Variants in FAM220A observed in about 807,000 individuals in gnomAD.
FAM220A encodes the protein protein FAM220A.
For synonymous variants in FAM220A, 141 were observed against 130.7 expected, an observed-to-expected ratio of 1.08 and a Z score of -0.54; for missense variants, 392 against 321.6, an observed-to-expected ratio of 1.22 and a Z score of -1.68.
chr7:6,336,208 T>G (rs1328639887), intron 1 of FAM220A, among the ~76,000 whole-genome samples: 16 of 147,008 alleles, frequency 1.1e-4, no homozygotes, highest in Non-Finnish European at 1.6e-4. Flanking sequence ...TAGCTGGGGG[T>G]GGTGGTGCAC....
At chr7:6,335,226 CTATTT>C (rs1781720595) in intron 1 of FAM220A, among the ~76,000 whole-genome samples, 1 of 138,182 alleles carries the variant, frequency 7.2e-6, no homozygotes, top group South Asian at 2.4e-4. Flanking sequence ...CCATGCCCAG[CTATTT>C]TTTTTTTTTA....
Position 6,341,582 on chromosome 7 carries a change from C to T in FAM220A, c.-82+6991G>A, listed in dbSNP as rs927443167. 6.8e-5 allele frequency among the ~76,000 whole-genome samples: 10 copies of T among 147,946 alleles called. No homozygotes were observed. The East Asian group carries it at 1.4e-3, about 21-fold the overall frequency. ...GTGGGAGCCTGTAGTCCCAGCTACT[C>T]GGGAGGCTGAGGCAGGGGAATGGCG... On this transcript the variant is annotated intron_variant, in intron 1 of 1. Transcript: ENST00000313324.
At chr7:6,333,284 T>A (rs1330495206) in intron 1 of FAM220A, among the ~76,000 whole-genome samples, 1 of 151,838 alleles carries the variant, frequency 6.6e-6, no homozygotes, top group Non-Finnish European at 1.5e-5. Context: ...TCGGGCCATG[T>A]CACAGGGAGC....
intron 1 of FAM220A, among the ~76,000 whole-genome samples, chr7:6,343,397 CATATATATAT>C (rs10529573): frequency 0.068 from 5,913 of 86,566 alleles, 225 homozygotes; most frequent in Middle Eastern, 0.085. Flanking sequence ...ATAATAATTT[CATATATATAT>C]ATATATATAT....
At chr7:6,335,977 A>T (rs78584233) in intron 1 of FAM220A, among the ~76,000 whole-genome samples, 1,755 of 152,180 alleles carry the variant, frequency 0.012, 35 homozygotes, top group African/African-American at 0.041. Flanking sequence ...GTTCGAGATC[A>T]GCCTGGTCTA....
chr7:6,334,455 G>C (rs1453141399), intron 1 of FAM220A, among the ~76,000 whole-genome samples: 1 of 151,918 alleles, frequency 6.6e-6, no homozygotes. Flanking sequence ...AGAACAGCTT[G>C]AGTCCCAGAG....
chr7:6,334,157 C>T (rs1268125966), intron 1 of FAM220A, among the ~76,000 whole-genome samples: 1 of 151,466 alleles, frequency 6.6e-6, no homozygotes, highest in Non-Finnish European at 1.5e-5. Flanking sequence ...AACTCCTGGT[C>T]TCTTAAGTGC....
chr7:6,345,850 C>A (rs1290614081), intron 1 of FAM220A, among the ~76,000 whole-genome samples: 1 of 151,972 alleles, frequency 6.6e-6, no homozygotes, highest in African/African-American at 2.4e-5. Flanking sequence ...CTCACTGCAA[C>A]CTCCATCTCC....
intron 1 of FAM220A, among the ~76,000 whole-genome samples, chr7:6,332,953 G>A (rs111522385): frequency 0.011 from 1,691 of 152,216 alleles, 30 homozygotes; most frequent in African/African-American, 0.038. Flanking sequence ...GAGGTCAGGA[G>A]TTCGAGACAA....
At chr7:6,336,274 G>A (rs567131737) in intron 1 of FAM220A, among the ~76,000 whole-genome samples, 2 of 152,014 alleles carry the variant, frequency 1.3e-5, no homozygotes, top group South Asian at 4.1e-4. Context: ...CTTGAGCCTA[G>A]AAGCTCAAGG....
In FAM220A at chr7:6,342,374, G is replaced by A. The variant is rs894261119; in HGVS notation, c.-82+6199C>T. On this transcript the variant is annotated intron_variant, in intron 1 of 1. Transcript: ENST00000313324. Reference sequence around the variant, plus strand: ...AGCCCAGCTAACATGGCAAAACCCCGACTCTACTAAAAATACAAACATTAG... The same window carrying A: ...AGCCCAGCTAACATGGCAAAACCCCAACTCTACTAAAAATACAAACATTAG... Among the ~76,000 whole-genome samples, 15 of 151,568 alleles carry A rather than the reference G, an allele frequency of 9.9e-5. No homozygotes were observed. In the East Asian group the frequency reaches 1.2e-3, roughly 12 times the overall value.
intron 1 of FAM220A, among the ~76,000 whole-genome samples, chr7:6,339,515 G>A (rs563126039): frequency 3.8e-4 from 57 of 150,546 alleles, no homozygotes; most frequent in African/African-American, 1.2e-3. Flanking sequence ...ACGGAGTCTC[G>A]CTCTGTCGCC....
chr7:6,339,482 CT>C (rs1247959192), intron 1 of FAM220A, among the ~76,000 whole-genome samples: 4 of 151,512 alleles, frequency 2.6e-5, no homozygotes, highest in African/African-American at 4.8e-5. Context: ...CTGTGTACCC[CT>C]TTTTTTGTTT....
At chr7:6,343,333 C>G (rs1356739642) in intron 1 of FAM220A, among the ~76,000 whole-genome samples, 1 of 148,580 alleles carries the variant, frequency 6.7e-6, no homozygotes, top group Non-Finnish European at 1.5e-5. Flanking sequence ...TCCAAAATCA[C>G]ACCACTGCAC....
At chr7:6,342,992 G>A (rs140844111) in intron 1 of FAM220A, among the ~76,000 whole-genome samples, 45 of 150,112 alleles carry the variant, frequency 3.0e-4, no homozygotes, top group Middle Eastern at 3.4e-3. Flanking sequence ...AGCTATGATC[G>A]CACCACTGCA....
At chr7:6,338,619 T>C (rs567897924) in intron 1 of FAM220A, 6 of 152,222 alleles carry the variant, frequency 3.9e-5, no homozygotes, top group Non-Finnish European at 8.8e-5. Context: ...TGTCCAGGTA[T>C]ACCCGATCCT....
At chr7:6,346,258 C>G (rs1048272765) in intron 1 of FAM220A, among the ~76,000 whole-genome samples, 6 of 152,132 alleles carry the variant, frequency 3.9e-5, no homozygotes, top group African/African-American at 1.4e-4. Flanking sequence ...TTCAAGCCAC[C>G]TGGTGGAGGT....
rs1187017918 is a variant in FAM220A at position 6,348,733 on chromosome 7, G to C, written c.-242C>G. On this transcript the variant is annotated 5_prime_UTR_variant, in exon 1 of 2. Coordinates refer to ENST00000313324, the MANE Select transcript of FAM220A (RefSeq NM_001037163.2). ...GGCGGCCGAGCGCGAGAGCCGGACAGCCAGGCCCGACAGAGCCGCCGCCAT... is the reference window on the plus strand; with the variant it reads ...GGCGGCCGAGCGCGAGAGCCGGACACCCAGGCCCGACAGAGCCGCCGCCAT... 4.8e-6 allele frequency: 2 copies of C among 413,810 alleles called. No individual in the cohort carries two copies. Among genetic ancestry groups the C allele is most frequent in the Non-Finnish European group, 8.6e-6 (2 of 233,690 alleles). The allele number at this position is 413,810 out of a possible 1,614,324, so 25.6% of individuals were successfully genotyped here. A position where few individuals can be genotyped will look rare whatever the true frequency, so the allele number is the denominator to read the frequency against.
intron 1 of FAM220A, among the ~76,000 whole-genome samples, chr7:6,343,480 A>G (rs1287946292): frequency 6.9e-6 from 1 of 144,858 alleles, no homozygotes; most frequent in African/African-American, 2.6e-5. Context: ...TTCTTCCCAC[A>G]GGCCATATAA....
Sources: allele counts gnomAD v4.1 joint callset (sites outside exome capture counted in the v4.1 genomes callset), GRCh38; gene constraint gnomAD v4.1.1; transcripts MANE v1.5; gene names NCBI Gene and HGNC (gene_info 2026-07-23, HGNC 2026-07-21).